The following NOL9 variants were observed in gnomAD, a reference collection of about 807,000 sequenced individuals.
NOL9 encodes the protein polynucleotide 5'-hydroxyl-kinase NOL9.
A neutral mutation model predicts 67.9 loss-of-function variants in NOL9; 28 were observed. The ratio of observed to expected loss-of-function variants is 0.41; its 90% CI spans 0.31 to 0.57. The LOEUF (loss-of-function observed/expected upper bound fraction) is 0.57. NOL9 is among the 20% of genes least tolerant of loss of function. The pLI is 0.25. For synonymous variants in NOL9, 356 were observed against 352.2 expected (o/e 1.01, Z -0.12); for missense variants, 777 against 897.0 (o/e 0.87, Z 1.71).
intron 1 of NOL9, among the ~76,000 whole-genome samples, chr1:6,552,850 C>T (rs1639572683): frequency 1.3e-5 from 2 of 151,606 alleles, no homozygotes; most frequent in Non-Finnish European, 1.5e-5. Flanking sequence ...CTCACTCTGT[C>T]GCCCAGGCTG....
chr1:6,542,072 C>T, intron 5 of NOL9, 145 bp from the exon 6 acceptor site: 1 of 467,158 alleles, frequency 2.1e-6, no homozygotes, highest in East Asian at 3.3e-5. Context: ...CTCAAGATGA[C>T]AATCGCTGTT....
intron 1 of NOL9, among the ~76,000 whole-genome samples, chr1:6,553,408 C>T (rs1278961118): frequency 1.3e-5 from 2 of 152,162 alleles, no homozygotes; most frequent in African/African-American, 4.8e-5. Flanking sequence ...TCTGTAAACA[C>T]TTAGAGAGAG....
In NOL9 at chr1:6,552,292, C is replaced by T. The variant is rs539601023; in HGVS notation, c.397-1677G>A. On this transcript the variant is annotated intron_variant, in intron 1 of 11. Transcript: ENST00000377705. ...GTATGTACCCTGGAACTTAAAAGTGCTGGGATTACAGGCGTGAGCCACCAC... is the reference window on the plus strand; with the variant it reads ...GTATGTACCCTGGAACTTAAAAGTGTTGGGATTACAGGCGTGAGCCACCAC... 5.9e-5 allele frequency among the ~76,000 whole-genome samples: 9 copies of T among 152,288 alleles called. No individual in the cohort carries two copies. The East Asian group carries it at 1.7e-3, about 29-fold the overall frequency.
At position 6,526,009 on chromosome 1, in the gene NOL9, A is replaced by G. The variant is rs1261511462; in HGVS notation, c.1960-6T>C. The G allele has an allele frequency of 6.2e-7, 1 of 1,613,430 alleles. No individual in the cohort carries two copies. The highest frequency in any genetic ancestry group is 8.5e-7 in the Non-Finnish European group (1 of 1,179,402). On this transcript the variant is annotated splice_region_variant and splice_polypyrimidine_tract_variant and intron_variant, in intron 11 of 11. Coordinates refer to ENST00000377705, the MANE Select transcript of NOL9 (RefSeq NM_024654.5). The stretch of plus-strand genomic sequence containing the variant: ...ACTGTCCCTTCGATCCCACGCTGAA[A>G]CGGAAACACAGAGAATGCATGGAAA...
At position 6,532,714 on chromosome 1, in the gene NOL9, G is replaced by A; in HGVS notation, c.1284C>T (p.Pro428=). 1 of 1,614,172 alleles carries A rather than the reference G, an allele frequency of 6.2e-7. No homozygotes were observed. Residue 428 remains proline (P), a synonymous_variant, in exon 8 of 12, where the codon CCC becomes CCT. Coordinates refer to ENST00000377705, the MANE Select transcript of NOL9 (RefSeq NM_024654.5). The part of the protein sequence containing the change: ...LLIDLIRLLS[P]SHVVQFRSDH... Reference sequence around the variant, plus strand: ...CAGAGCGGAACTGAACCACGTGGCTGGGAGACAGCAATCGGATCAGATCAA... The same window carrying A: ...CAGAGCGGAACTGAACCACGTGGCTAGGAGACAGCAATCGGATCAGATCAA...
intron 1 of NOL9, 77 bp downstream of exon 1, chr1:6,554,030 C>T (rs1639608048): frequency 1.6e-6 from 2 of 1,271,280 alleles, no homozygotes; most frequent in East Asian, 2.9e-5. Context: ...CGGTCCTCTC[C>T]TACCCTGCAG....
At chr1:6,532,890 C>T (rs1020428946) in intron 7 of NOL9, 130 bp from the exon 8 acceptor site, 10 of 919,258 alleles carry the variant, frequency 1.1e-5, no homozygotes, top group Non-Finnish European at 1.6e-5. Context: ...CGTTGGACTT[C>T]GGCTGGGCAC....
intron 3 of NOL9, chr1:6,548,021 G>A (rs939580920): frequency 4.2e-5 from 12 of 283,872 alleles, no homozygotes; most frequent in South Asian, 1.2e-4. Context: ...AGGCTGTCCC[G>A]AACCCCTGGT....
At chr1:6,550,019 T>C (rs899399387) in intron 2 of NOL9, among the ~76,000 whole-genome samples, 1 of 143,482 alleles carries the variant, frequency 7.0e-6, no homozygotes, top group African/African-American at 2.5e-5. Context: ...GCCTAGACCA[T>C]AGTAAGCATC....
At chr1:6,553,975 G>A in intron 1 of NOL9, 132 bp downstream of exon 1, 1 of 681,732 alleles carries the variant, frequency 1.5e-6, no homozygotes, top group Non-Finnish European at 2.3e-6. Context: ...TCAAGAGGAT[G>A]GACTTGAATC....
chr1:6,544,547 C>A lies in NOL9; in HGVS notation c.977+279G>T, dbSNP rs74760205. ...CACACACGCACGCACACACGCACCC[C>A]CCCCCCGCCCCCCACCCCAGAACTT... On this transcript the variant is annotated intron_variant, in intron 5 of 11. Transcript: ENST00000377705. Among the ~76,000 whole-genome samples, 8,738 of 23,262 alleles carry A rather than the reference C, an allele frequency of 0.38. 978 individuals are homozygous for A. Among genetic ancestry groups the A allele is most frequent in the African/African-American group, 0.43 (7,621 of 17,658 alleles). The allele number at this position is 23,262 out of a possible 152,430, so 15.3% of individuals were successfully genotyped here.
chr1:6,553,553 T>C (rs1352934368), intron 1 of NOL9, among the ~76,000 whole-genome samples: 1 of 151,868 alleles, frequency 6.6e-6, no homozygotes, highest in East Asian at 1.9e-4. Flanking sequence ...TAAAATCCCT[T>C]TCAGAGTTCC....
intron 6 of NOL9, among the ~76,000 whole-genome samples, chr1:6,541,306 C>T (rs528797271): frequency 9.9e-5 from 15 of 152,190 alleles, no homozygotes; most frequent in Non-Finnish European, 1.6e-4. Context: ...TTCAGCCTCC[C>T]GAGGAGCTGG....
chr1:6,541,249 C>T (rs1366690275), intron 6 of NOL9, among the ~76,000 whole-genome samples: 5 of 152,216 alleles, frequency 3.3e-5, no homozygotes, highest in African/African-American at 1.2e-4. Flanking sequence ...AGTGGCTTGA[C>T]CTCAGCTCAT....
At chr1:6,551,030 G>A (rs1004553185) in intron 1 of NOL9, among the ~76,000 whole-genome samples, 2 of 152,218 alleles carry the variant, frequency 1.3e-5, no homozygotes, top group Non-Finnish European at 2.9e-5. Flanking sequence ...AGGCAGGTAA[G>A]GCCAGGCACA....
intron 3 of NOL9, 134 bp from the exon 4 acceptor site, chr1:6,545,314 C>T: frequency 1.2e-6 from 1 of 831,996 alleles, no homozygotes; most frequent in Non-Finnish European, 1.9e-6. Flanking sequence ...GCCCCAAAAT[C>T]CAACCCATCA....
At chr1:6,528,849 C>G in intron 10 of NOL9, 145 bp downstream of exon 10, 1 of 681,914 alleles carries the variant, frequency 1.5e-6, no homozygotes, top group African/African-American at 1.8e-5. Context: ...TGGCCTCCAG[C>G]CCCTAAGGCG....
chr1:6,552,323 G>A (rs1327335674), intron 1 of NOL9, among the ~76,000 whole-genome samples: 1 of 151,688 alleles, frequency 6.6e-6, no homozygotes, highest in African/African-American at 2.4e-5. Flanking sequence ...ACCACACCCG[G>A]CCGATATTTG....
At position 6,526,856 on chromosome 1, in the gene NOL9, A is replaced by C. The variant is rs766455004; in HGVS notation, c.1826-27T>G. 5.8e-6 allele frequency: 9 copies of C among 1,548,266 alleles called. No individual in the cohort carries two copies. In the East Asian group the frequency reaches 2.0e-4, roughly 35 times the overall value. ...TTCAAGACACGCGCACAACACAAAAATCACCCTTTTGGAAAACATCAAACT... is the reference window on the plus strand; with the variant it reads ...TTCAAGACACGCGCACAACACAAAACTCACCCTTTTGGAAAACATCAAACT... On this transcript the variant is annotated intron_variant, in intron 10 of 11. Coordinates refer to ENST00000377705, the MANE Select transcript of NOL9 (RefSeq NM_024654.5).
Sources: gnomAD v4.1 joint callset for allele counts (sites outside exome capture counted in the v4.1 genomes callset) on GRCh38, gnomAD v4.1.1 for gene constraint, MANE v1.5 for transcripts, NCBI Gene and HGNC (gene_info 2026-07-23, HGNC 2026-07-21) for gene names.